The following CBL variants were observed in gnomAD, a reference collection of about 807,000 sequenced individuals.
CBL encodes E3 ubiquitin-protein ligase CBL.
In CBL, 45 loss-of-function variants were observed where a neutral mutation model predicts 96.9. That is an observed-to-expected ratio of 0.46 (90% confidence interval 0.37 to 0.60). The LOEUF (loss-of-function observed/expected upper bound fraction) is 0.60. Among genes scored for constraint, CBL ranks in the 20% least tolerant of loss-of-function variants. The pLI, the probability that CBL is intolerant of heterozygous loss-of-function variation, is 0.00. For missense variants in CBL, 1,024 were observed against 1,143.5 expected, an observed-to-expected ratio of 0.90 and a Z score of 1.51; for synonymous variants, 420 against 426.8, an observed-to-expected ratio of 0.98 and a Z score of 0.20.
intron 1 of CBL, among the ~76,000 whole-genome samples, chr11:119,212,309 T>G (rs1949324557): frequency 6.6e-6 from 1 of 152,150 alleles, no homozygotes; most frequent in Admixed American, 6.6e-5. Flanking sequence ...TTAAAAAAAA[T>G]TACATTTTTT....
intron 12 of CBL, 103 bp from the exon 13 acceptor site, chr11:119,296,815 T>C (rs1299949580): frequency 4.2e-6 from 3 of 710,682 alleles, no homozygotes; most frequent in South Asian, 1.5e-5. Context: ...TGTATTTTGC[T>C]CTGTTCAATT....
rs374152311 is a variant in CBL, at chr11:119,279,470, C to T, written c.1431+757C>T. ...ACATAGCAAGACCGTATCTTTACCA[C>T]CACTGCCCCCATGCCCCCCCCTAAA... On this transcript the variant is annotated intron_variant, in intron 9 of 15. Coordinates refer to ENST00000264033, the MANE Select transcript of CBL (RefSeq NM_005188.4). Among the ~76,000 whole-genome samples, 10 of 146,634 alleles carry T rather than the reference C, an allele frequency of 6.8e-5. 1 individual carries two copies. Among genetic ancestry groups the T allele is most frequent in the African/African-American group, 2.6e-4 (10 of 38,092 alleles).
At chr11:119,263,987 CTA>C (rs1176231049) in intron 2 of CBL, among the ~76,000 whole-genome samples, 1 of 152,204 alleles carries the variant, frequency 6.6e-6, no homozygotes, top group East Asian at 1.9e-4. Flanking sequence ...TTATCATCAT[CTA>C]TATGAGTCTT....
chr11:119,275,471 T>G (rs1949883034), intron 5 of CBL, among the ~76,000 whole-genome samples: 1 of 151,730 alleles, frequency 6.6e-6, no homozygotes, highest in African/African-American at 2.4e-5. Flanking sequence ...GAATAGAGTT[T>G]ATGTGTCTTT....
intron 1 of CBL, among the ~76,000 whole-genome samples, chr11:119,219,999 G>A (rs560963346): frequency 8.6e-5 from 13 of 151,834 alleles, no homozygotes; most frequent in African/African-American, 2.7e-4. Flanking sequence ...ACAGGTGTGC[G>A]CCACCACGCC....
In CBL at chr11:119,244,466, G is replaced by A. The variant is rs371605894; in HGVS notation, c.443+11771G>A. On this transcript the variant is annotated intron_variant, in intron 2 of 15. Coordinates refer to ENST00000264033, the MANE Select transcript of CBL (RefSeq NM_005188.4). The stretch of plus-strand genomic sequence containing the variant: ...AAGGTCTCACTCTGCCGTGCAGGCT[G>A]GAGTGCAGTGGCACAATCTTGGCTC... Among the ~76,000 whole-genome samples the A allele has an allele frequency of 3.3e-5, 5 of 151,392 alleles. No homozygotes were observed. In the South Asian group the frequency reaches 1.0e-3, roughly 32 times the overall value.
At chr11:119,255,448 T>C (rs1949704577) in intron 2 of CBL, among the ~76,000 whole-genome samples, 1 of 152,334 alleles carries the variant, frequency 6.6e-6, no homozygotes, top group South Asian at 2.1e-4. Flanking sequence ...GTTTTTTCCC[T>C]GTATTATGTT....
chr11:119,282,995 T>C (rs1949950261), intron 9 of CBL, among the ~76,000 whole-genome samples: 1 of 151,638 alleles, frequency 6.6e-6, no homozygotes, highest in Non-Finnish European at 1.5e-5. Context: ...CTTGAGAGGC[T>C]GAGGCAGGAG....
rs1222403539 is a variant in CBL at position 119,300,223 on chromosome 11, A to T, written c.*442A>T. Reference sequence around the variant, plus strand: ...CCTGCTGTGTGTGTTAATTCCAGGCAGGGAATTAGCACAAAAGGTTTAGGA... The same window carrying T: ...CCTGCTGTGTGTGTTAATTCCAGGCTGGGAATTAGCACAAAAGGTTTAGGA... On this transcript the variant is annotated 3_prime_UTR_variant, in exon 16 of 16. Coordinates refer to ENST00000264033, the MANE Select transcript of CBL (RefSeq NM_005188.4). 4.3e-6 allele frequency: 2 copies of T among 466,714 alleles called. No homozygotes were observed. Among genetic ancestry groups the T allele is most frequent in the Non-Finnish European group, 7.5e-6 (2 of 267,134 alleles). 28.9% of individuals were successfully genotyped at this position (466,714 alleles called of 1,614,324 possible).
At chr11:119,220,034 G>A (rs1231040179) in intron 1 of CBL, among the ~76,000 whole-genome samples, 4 of 152,058 alleles carry the variant, frequency 2.6e-5, no homozygotes, top group Non-Finnish European at 4.4e-5. Context: ...ATTTTTAGTA[G>A]AGGCGGGGTT....
intron 2 of CBL, among the ~76,000 whole-genome samples, chr11:119,258,846 G>C (rs948342564): frequency 1.3e-5 from 2 of 152,052 alleles, no homozygotes; most frequent in Admixed American, 1.3e-4. Context: ...GAATTGCATT[G>C]AATCTATCGA....
intron 3 of CBL, 128 bp downstream of exon 3, chr11:119,272,009 C>T (rs1949852755): frequency 1.2e-6 from 1 of 848,706 alleles, no homozygotes; most frequent in Non-Finnish European, 1.9e-6. Flanking sequence ...GTATGTATTT[C>T]CTGGCTTTGG....
chr11:119,206,840 C>T (rs1949273715), intron 1 of CBL, among the ~76,000 whole-genome samples: 1 of 151,720 alleles, frequency 6.6e-6, no homozygotes, highest in Admixed American at 6.6e-5. Flanking sequence ...CGCTGGGGTG[C>T]CGCGTTTGGG....
At chr11:119,259,192 C>T (rs924236927) in intron 2 of CBL, among the ~76,000 whole-genome samples, 2 of 151,846 alleles carry the variant, frequency 1.3e-5, no homozygotes, top group Admixed American at 1.3e-4. Flanking sequence ...GAGGAGTCTT[C>T]GGGGTTTTTT....
At chr11:119,291,765 A>C (rs927411391) in intron 12 of CBL, among the ~76,000 whole-genome samples, 1 of 152,238 alleles carries the variant, frequency 6.6e-6, no homozygotes, top group Admixed American at 6.5e-5. Context: ...CTAGCTGCCT[A>C]CAAAACGTTT....
chr11:119,213,818 C>T (rs533983971), intron 1 of CBL, among the ~76,000 whole-genome samples: 5 of 151,428 alleles, frequency 3.3e-5, no homozygotes, highest in South Asian at 2.1e-4. Flanking sequence ...GCCTTCCTCC[C>T]GCTTTGGCCT....
chr11:119,305,767 T>A lies in CBL; in HGVS notation c.*5986T>A, dbSNP rs764329156. 3 of 227,586 alleles carry A rather than the reference T, an allele frequency of 1.3e-5. No homozygotes were observed. Among genetic ancestry groups the A allele is most frequent in the Admixed American group, 5.7e-5 (1 of 17,570 alleles). 14.1% of individuals were successfully genotyped at this position (227,586 alleles called of 1,614,324 possible). On this transcript the variant is annotated 3_prime_UTR_variant, in exon 16 of 16. Transcript: ENST00000264033. ...AAAGCTTTCCTTTTCTGTTTTTTTT[T>A]AAAACTATGCTTTTGCTTGCCTAAA...
intron 2 of CBL, among the ~76,000 whole-genome samples, chr11:119,258,977 T>C (rs1006189366): frequency 1.3e-5 from 2 of 152,220 alleles, no homozygotes; most frequent in African/African-American, 4.8e-5. Flanking sequence ...TCATTCTCCT[T>C]GTAGAGATCT....
At chr11:119,285,660 C>T in intron 11 of CBL, 94 bp downstream of exon 11, 1 of 1,407,452 alleles carries the variant, frequency 7.1e-7, no homozygotes, top group Non-Finnish European at 9.8e-7. Flanking sequence ...ATTTGGGAGG[C>T]CAAGGTGGGT....
Sources: gnomAD v4.1 joint callset for allele counts (sites outside exome capture counted in the v4.1 genomes callset) on GRCh38, gnomAD v4.1.1 for gene constraint, MANE v1.5 for transcripts, NCBI Gene and HGNC (gene_info 2026-07-23, HGNC 2026-07-21) for gene names.